The following LAMA2 variants were observed in gnomAD, a reference collection of about 807,000 sequenced individuals.
LAMA2 encodes laminin subunit alpha-2.
A neutral mutation model predicts 364.8 loss-of-function variants in LAMA2; 269 were observed. The observed-to-expected ratio is 0.74, with a 90% CI of 0.67 to 0.82. The LOEUF is 0.82. LAMA2 is among the 40% of genes least tolerant of loss of function. The pLI, the probability that LAMA2 is intolerant of heterozygous loss-of-function variation, is 0.00. For synonymous variants in LAMA2, 1,379 were observed against 1,370.6 expected (o/e 1.01, Z -0.14); for missense variants, 3,807 against 3,873.2 (o/e 0.98, Z 0.45).
chr6:129,159,412 TCCTTGCCAGCGTGC>T (rs1779325868), intron 8 of LAMA2, among the ~76,000 whole-genome samples: 1 of 152,198 alleles, frequency 6.6e-6, no homozygotes, highest in Non-Finnish European at 1.5e-5. Context: ...CTTCCCGGGC[TCCTTGCCAGCGTGC>T]CGAGGCGCAG....
rs139926292 is a variant in LAMA2, at chr6:129,198,136, C to T, written c.1782+5283C>T. ...GTGATGTGGTTGGCAACAAAACTTA[C>T]GTAATCTAGGGCTACATTGGCAGGA... On this transcript the variant is annotated intron_variant, in intron 12 of 64. Transcript: ENST00000421865. 4.3e-3 allele frequency among the ~76,000 whole-genome samples: 661 copies of T among 152,092 alleles called. 10 individuals carry two copies. The highest frequency in any genetic ancestry group is 0.014 in the African/African-American group (599 of 41,476).
At chr6:129,153,508 A>G (rs1033514774) in intron 7 of LAMA2, among the ~76,000 whole-genome samples, 2 of 152,234 alleles carry the variant, frequency 1.3e-5, no homozygotes, top group South Asian at 2.1e-4. Context: ...TTCACCGGGT[A>G]GGATGTGAAG....
intron 37 of LAMA2, among the ~76,000 whole-genome samples, chr6:129,400,189 A>G (rs568297833): frequency 6.6e-6 from 1 of 152,240 alleles, no homozygotes; most frequent in South Asian, 2.1e-4. Context: ...CTTTTTTATA[A>G]GGGCAGTAAT....
chr6:129,516,134 T>TTAA, intron 64 of LAMA2, 56 bp from the exon 65 acceptor site: 1 of 1,579,742 alleles, frequency 6.3e-7, no homozygotes, highest in Non-Finnish European at 8.7e-7. Context: ...AAACATGCTC[T>TTAA]TAATATTTGG....
At chr6:129,172,328 G>A (rs989578850) in intron 9 of LAMA2, among the ~76,000 whole-genome samples, 1 of 152,168 alleles carries the variant, frequency 6.6e-6, no homozygotes, top group Non-Finnish European at 1.5e-5. Context: ...GGTCTTTGAT[G>A]ATGGTGATGT....
chr6:128,983,881 T>G (rs1783047398), intron 1 of LAMA2, among the ~76,000 whole-genome samples: 1 of 152,202 alleles, frequency 6.6e-6, no homozygotes. Context: ...AGTTGCCATT[T>G]ATTGGAGAAA....
chr6:129,162,966 A>T (rs1195551409), intron 8 of LAMA2, among the ~76,000 whole-genome samples: 1 of 152,196 alleles, frequency 6.6e-6, no homozygotes, highest in Non-Finnish European at 1.5e-5. Flanking sequence ...CCTTTACAGA[A>T]AAGTTTTCCA....
intron 10 of LAMA2, among the ~76,000 whole-genome samples, chr6:129,182,257 T>C (rs1486119584): frequency 1.3e-5 from 2 of 151,724 alleles, no homozygotes; most frequent in East Asian, 3.9e-4. Context: ...AGTGAAAATC[T>C]GTGAAATTTG....
At chr6:129,088,363 CA>C (rs1774532322) in intron 3 of LAMA2, among the ~76,000 whole-genome samples, 1 of 149,194 alleles carries the variant, frequency 6.7e-6, no homozygotes, top group African/African-American at 2.4e-5. Flanking sequence ...TTCTATTCCA[CA>C]AAACCACCAT....
At chr6:129,205,522 A>T (rs1175275088) in intron 12 of LAMA2, among the ~76,000 whole-genome samples, 1 of 146,440 alleles carries the variant, frequency 6.8e-6, no homozygotes, top group South Asian at 2.2e-4. Context: ...ACACACACAC[A>T]CACACACACA....
rs71028149 is a variant in LAMA2 at position 129,206,106 on chromosome 6, GAGGAAGGAAGGAAGGAAGGA to G, written c.1782+13295_1782+13314del. ...GGAGGAAGGAAGGGAGGGAGGGAGG[GAGGAAGGAAGGAAGGAAGGA>G]AGGAAGGAAGGAAGGAAGGAAGGAA... On this transcript the variant is annotated intron_variant, in intron 12 of 64. Coordinates refer to ENST00000421865, the MANE Select transcript of LAMA2 (RefSeq NM_000426.4). 4.7e-3 allele frequency among the ~76,000 whole-genome samples: 440 copies of G among 94,620 alleles called. 8 individuals are homozygous for G. Among genetic ancestry groups the G allele is most frequent in the African/African-American group, 0.016 (360 of 22,688 alleles). 62.1% of individuals were successfully genotyped at this position (94,620 alleles called of 152,430 possible). A position where few individuals can be genotyped will look rare whatever the true frequency, so the allele number is the denominator to read the frequency against.
At chr6:128,962,569 G>A (rs1160274501) in intron 1 of LAMA2, among the ~76,000 whole-genome samples, 1 of 152,070 alleles carries the variant, frequency 6.6e-6, no homozygotes, top group African/African-American at 2.4e-5. Flanking sequence ...CATTCAGAGT[G>A]TTATTAGAAG....
At chr6:129,476,804 C>G (rs912769437) in intron 53 of LAMA2, among the ~76,000 whole-genome samples, 1 of 125,072 alleles carries the variant, frequency 8.0e-6, no homozygotes, top group Non-Finnish European at 1.7e-5. Flanking sequence ...TTATAACAAC[C>G]AGCTGACTGA....
intron 41 of LAMA2, among the ~76,000 whole-genome samples, chr6:129,435,198 T>C (rs1387554975): frequency 6.6e-6 from 1 of 152,158 alleles, no homozygotes; most frequent in Non-Finnish European, 1.5e-5. Context: ...AATATCTTGC[T>C]TGCCAGAACA....
At chr6:129,308,245 T>C (rs191422133) in intron 22 of LAMA2, among the ~76,000 whole-genome samples, 3 of 152,124 alleles carry the variant, frequency 2.0e-5, no homozygotes, top group African/African-American at 4.8e-5. Flanking sequence ...CAAAGTGTTC[T>C]TATGAATATG....
chr6:129,441,150 T>C, intron 43 of LAMA2, 152 bp downstream of exon 43: 1 of 746,900 alleles, frequency 1.3e-6, no homozygotes. Context: ...TTGAGTGTCA[T>C]GCAGTTCCAA....
In LAMA2 at chr6:128,978,063, C is replaced by T. The variant is rs146454454; in HGVS notation, c.113-71855C>T. On this transcript the variant is annotated intron_variant, in intron 1 of 64. Transcript: ENST00000421865. ...TTTATTGTATAAGAGAAGATAAGTA[C>T]GGAGTTGTAAACCTGCAATAGAATA... Among the ~76,000 whole-genome samples, 35 of 152,136 alleles carry T rather than the reference C, an allele frequency of 2.3e-4. No individual in the cohort carries two copies. In the East Asian group the frequency reaches 6.2e-3, roughly 27 times the overall value.
chr6:129,147,013 C>A lies in LAMA2; in HGVS notation c.874C>A (p.His292Asn). 2 of 1,611,816 alleles carry A rather than the reference C, an allele frequency of 1.2e-6. No homozygotes were observed. The highest frequency in any genetic ancestry group is 1.7e-6 in the Non-Finnish European group (2 of 1,178,112). ...TGGAGGGATGTGCATCTGCTATGGT[C>A]ATGCCAGGGCTTGTCCACTTGATCC... ...SVGGMCICYGHARACPLDPAT... is the reference protein window; with the variant it reads ...SVGGMCICYGNARACPLDPAT... The change falls in exon 6 of 65, where the codon CAT becomes AAT. Residue 292 changes from histidine to asparagine, a missense_variant. Around this residue, in one of 3 missense-constraint regions of LAMA2, gnomAD observed 394 missense variants for 403.5 expected, o/e 0.98. Coordinates refer to ENST00000421865, the MANE Select transcript of LAMA2 (RefSeq NM_000426.4).
chr6:129,364,950 C>T (rs1777677543), intron 32 of LAMA2, among the ~76,000 whole-genome samples: 1 of 152,150 alleles, frequency 6.6e-6, no homozygotes, highest in Non-Finnish European at 1.5e-5. Flanking sequence ...AGGTGGCACA[C>T]ACTTTTAAAT....
Sources: gnomAD v4.1 joint callset for allele counts (sites outside exome capture counted in the v4.1 genomes callset) on GRCh38, gnomAD v4.1.1 for gene constraint, gnomAD v4.1.1 regional missense constraint, MANE v1.5 for transcripts, NCBI Gene and HGNC (gene_info 2026-07-23, HGNC 2026-07-21) for gene names.